Variants in DSCAML1 observed in about 807,000 individuals in gnomAD.
The protein encoded by DSCAML1 is DS cell adhesion molecule like 1.
Under a neutral mutation model 200.5 loss-of-function variants are expected in DSCAML1, and 38 were observed. The ratio of observed to expected loss-of-function variants is 0.19; its 90% CI spans 0.15 to 0.25. DSCAML1 has a LOEUF of 0.25. DSCAML1 is among the 10% of genes least tolerant of loss of function. The pLI, the probability that DSCAML1 is intolerant of heterozygous loss-of-function variation, is 1.00. For missense variants in DSCAML1, 2,223 were observed against 2,858.8 expected (o/e 0.78, Z 5.07); for synonymous variants, 1,215 against 1,165.0 (o/e 1.04, Z -0.87).
chr11:117,816,037 C>T (rs1159429387), intron 1 of DSCAML1, among the ~76,000 whole-genome samples: 1 of 152,094 alleles, frequency 6.6e-6, no homozygotes, highest in African/African-American at 2.4e-5. Flanking sequence ...CCAATGCCAC[C>T]TTCTTTGCCC....
chr11:117,725,642 T>C (rs1275878509), intron 3 of DSCAML1, among the ~76,000 whole-genome samples: 1 of 148,794 alleles, frequency 6.7e-6, no homozygotes, highest in African/African-American at 2.5e-5. Context: ...TACACCCCTC[T>C]TGCTGCCTTA....
chr11:117,811,746 C>A (rs2055762840), intron 1 of DSCAML1, among the ~76,000 whole-genome samples: 3 of 152,184 alleles, frequency 2.0e-5, no homozygotes, highest in Non-Finnish European at 4.4e-5. Context: ...CAGCTGAAGA[C>A]TGAGGCTGCC....
intron 20 of DSCAML1, among the ~76,000 whole-genome samples, chr11:117,445,090 A>G (rs1055428975): frequency 6.6e-6 from 1 of 152,226 alleles, no homozygotes; most frequent in African/African-American, 2.4e-5. Context: ...AGACGCATGC[A>G]CACATGCTGA....
chr11:117,720,775 T>G (rs1167792476), intron 3 of DSCAML1, among the ~76,000 whole-genome samples: 3 of 152,230 alleles, frequency 2.0e-5, no homozygotes, highest in Non-Finnish European at 4.4e-5. Flanking sequence ...GTGTGAGGAT[T>G]AAATGAGAGA....
At chr11:117,655,023 G>T (rs1335882358) in intron 3 of DSCAML1, among the ~76,000 whole-genome samples, 1 of 152,236 alleles carries the variant, frequency 6.6e-6, no homozygotes, top group Non-Finnish European at 1.5e-5. Context: ...AGATGTTGTG[G>T]CAGCTGCCAG....
chr11:117,445,076 A>T (rs191464451), intron 20 of DSCAML1, among the ~76,000 whole-genome samples: 58 of 148,258 alleles, frequency 3.9e-4, no homozygotes, highest in Non-Finnish European at 7.0e-4. Flanking sequence ...GCACACACAC[A>T]TGTAGACGCA....
chr11:117,428,354 A>G lies in DSCAML1; in HGVS notation c.6136T>C (p.Tyr2046His). 1.1e-5 allele frequency: 18 copies of G among 1,578,262 alleles called. No homozygotes were observed. The highest frequency in any genetic ancestry group is 1.6e-5 in the Non-Finnish European group (18 of 1,156,292). ...TACACCAGGGTGTAGGATTTGGAGT[A>G]GGCCCCGGCCCCCTGCTTCTGAGAC... The part of the protein sequence containing the change: ...GRSQKQGAGA[Y>H]SKSYTLV Residue 2046 changes from tyrosine (Y) to histidine (H), a missense_variant, in exon 33 of 33, where the codon TAC (tyrosine) becomes CAC (histidine). Tyr to His is a moderately conservative substitution (Grantham distance 83). Coordinates refer to ENST00000651296, the MANE Select transcript of DSCAML1 (RefSeq NM_020693.4).
chr11:117,496,937 T>G (rs1462051888), intron 11 of DSCAML1, among the ~76,000 whole-genome samples: 2 of 152,226 alleles, frequency 1.3e-5, no homozygotes, highest in African/African-American at 4.8e-5. Flanking sequence ...AGGTTTGGGA[T>G]GCGATGTGAT....
At chr11:117,445,726 G>A (rs2048164957) in intron 20 of DSCAML1, among the ~76,000 whole-genome samples, 1 of 152,204 alleles carries the variant, frequency 6.6e-6, no homozygotes, top group Non-Finnish European at 1.5e-5. Context: ...GTATGTGCTT[G>A]TGTGCATCAG....
At chr11:117,475,827 G>A (rs193134110) in intron 14 of DSCAML1, among the ~76,000 whole-genome samples, 203 of 152,202 alleles carry the variant, frequency 1.3e-3, no homozygotes, top group Admixed American at 3.1e-3. Flanking sequence ...TGGTTTGCAG[G>A]TGGATTTGAC....
intron 3 of DSCAML1, among the ~76,000 whole-genome samples, chr11:117,664,555 T>C (rs2052933700): frequency 6.6e-6 from 1 of 152,214 alleles, no homozygotes; most frequent in South Asian, 2.1e-4. Context: ...CGCTTGTATA[T>C]GAAAAGTACC....
chr11:117,471,018 T>C (rs1301840657), intron 15 of DSCAML1, among the ~76,000 whole-genome samples: 1 of 152,152 alleles, frequency 6.6e-6, no homozygotes, highest in East Asian at 1.9e-4. Context: ...ATCAGGATAT[T>C]GATTACTTCA....
At chr11:117,739,661 G>A (rs1376590592) in intron 3 of DSCAML1, among the ~76,000 whole-genome samples, 3 of 152,212 alleles carry the variant, frequency 2.0e-5, no homozygotes, top group African/African-American at 7.2e-5. Flanking sequence ...TATTCAGGGT[G>A]TGCACTGTAC....
intron 1 of DSCAML1, among the ~76,000 whole-genome samples, chr11:117,809,580 C>G (rs1359279208): frequency 3.3e-5 from 5 of 152,230 alleles, no homozygotes; most frequent in Non-Finnish European, 5.9e-5. Context: ...AGGTCCTGCC[C>G]TTCACCCCAG....
Position 117,428,476 on chromosome 11 carries a change from G to T in DSCAML1, c.6014C>A (p.Ala2005Asp), listed in dbSNP as rs773507353. 7 of 1,534,528 alleles carry T rather than the reference G, an allele frequency of 4.6e-6. No individual in the cohort carries two copies. The African/African-American group carries it at 9.7e-5, about 21-fold the overall frequency. Residue 2005 changes from alanine to aspartate, a missense_variant, in exon 33 of 33, where the codon GCC becomes GAC. This residue lies in a region of DSCAML1 where 280 missense variants were observed against 213.4 expected (regional missense o/e 1.31). Coordinates refer to ENST00000651296, the MANE Select transcript of DSCAML1 (RefSeq NM_020693.4). ...PPTAPSAAPP[A>D]PSTEPPRAGG... The stretch of plus-strand genomic sequence containing the variant: ...GGCTCGTGGAGGCTCGGTGCTGGGG[G>T]CCGGAGGGGCAGCGCTGGGGGCGGT...
rs536494721 is a variant in DSCAML1, at chr11:117,780,428, T to C, written c.364+65A>G. 7.4e-7 allele frequency: 1 copy of C among 1,345,242 alleles called. No homozygotes were observed. Among genetic ancestry groups the C allele is most frequent in the Non-Finnish European group, 9.7e-7 (1 of 1,030,660 alleles). 83.3% of individuals were successfully genotyped at this position (1,345,242 alleles called of 1,614,324 possible). On this transcript the variant is annotated intron_variant, in intron 2 of 32. Coordinates refer to ENST00000651296, the MANE Select transcript of DSCAML1 (RefSeq NM_020693.4). This position sits in a 1 kb window ranked among gnomAD's most constrained non-coding sequence, Gnocchi z 4.8. ...ACGACTTCTTGCAAGCCCCTCCGAA[T>C]ATCCTCAGAATGACGGCGCAGCCTC...
At chr11:117,644,519 G>A (rs2052480110) in intron 3 of DSCAML1, among the ~76,000 whole-genome samples, 1 of 152,234 alleles carries the variant, frequency 6.6e-6, no homozygotes, top group African/African-American at 2.4e-5. Context: ...AGCCCAATTA[G>A]AAAGTTTTCT....
At chr11:117,588,177 A>G (rs2051187321) in intron 3 of DSCAML1, among the ~76,000 whole-genome samples, 1 of 152,102 alleles carries the variant, frequency 6.6e-6, no homozygotes, top group South Asian at 2.1e-4. Context: ...CTAATAGAGG[A>G]CAGAGCCTGA....
Position 117,803,955 on chromosome 11 carries a change from C to T in DSCAML1, c.-250+13435G>A, listed in dbSNP as rs181731915. ...AGGATGGGAGACAACTTGGTGCTGC[C>T]GTAACGCCTTCCACGGTCTCTCTGC... On this transcript the variant is annotated intron_variant, in intron 1 of 2. Transcript: ENST00000525836. Among the ~76,000 whole-genome samples the T allele has an allele frequency of 1.9e-3, 297 of 152,344 alleles. 1 individual carries two copies. Among genetic ancestry groups the T allele is most frequent in the Non-Finnish European group, 2.5e-3 (171 of 68,036 alleles).
Sources: gnomAD v4.1 joint callset for allele counts (sites outside exome capture counted in the v4.1 genomes callset) on GRCh38, gnomAD v4.1.1 for gene constraint, gnomAD v4.1.1 regional missense constraint, Gnocchi (gnomAD v3.1) non-coding constraint, MANE v1.5 for transcripts, NCBI Gene and HGNC (gene_info 2026-07-23, HGNC 2026-07-21) for gene names.